The following SAXO1 variants were observed in gnomAD, a reference collection of about 807,000 sequenced individuals.
The protein encoded by SAXO1 is 4930500O09Rik.
Under a neutral mutation model 17.5 loss-of-function variants are expected in SAXO1, and 21 were observed. That is an observed-to-expected ratio of 1.20 (90% CI 0.85 to 1.72). The LOEUF (loss-of-function observed/expected upper bound fraction) is 1.72, where lower values mean the gene tolerates loss of function less well. SAXO1 is among the 40% of genes most tolerant of loss of function. SAXO1 has a pLI of 0.00. For synonymous variants in SAXO1, 274 were observed against 216.5 expected, an observed-to-expected ratio of 1.27 and a Z score of -2.33; for missense variants, 843 against 596.0, an observed-to-expected ratio of 1.41 and a Z score of -4.32.
chr9:18,947,721 A>G (rs372197267), intron 2 of SAXO1: 2 of 152,172 alleles, frequency 1.3e-5, no homozygotes, highest in Admixed American at 1.3e-4. Context: ...GTAAAGGCAG[A>G]TTCTACACCA....
chr9:18,980,286 C>A (rs1429300385), intron 1 of SAXO1, among the ~76,000 whole-genome samples: 3 of 152,018 alleles, frequency 2.0e-5, no homozygotes, highest in Non-Finnish European at 2.9e-5. Context: ...GGAGTTTAGG[C>A]ACTGCTTGGG....
At chr9:19,001,177 C>A (rs1166225929) in intron 1 of SAXO1, among the ~76,000 whole-genome samples, 2 of 152,120 alleles carry the variant, frequency 1.3e-5, no homozygotes, top group African/African-American at 2.4e-5. Context: ...TAAACTTGAC[C>A]ACATAGTTGG....
intron 1 of SAXO1, among the ~76,000 whole-genome samples, chr9:18,967,294 C>T (rs1417926295): frequency 6.6e-6 from 1 of 152,240 alleles, no homozygotes; most frequent in Non-Finnish European, 1.5e-5. Flanking sequence ...ATCTGCTGCT[C>T]TCTTCAGAGT....
At chr9:18,962,350 G>A (rs968035911) in intron 1 of SAXO1, among the ~76,000 whole-genome samples, 2 of 152,238 alleles carry the variant, frequency 1.3e-5, no homozygotes, top group Non-Finnish European at 2.9e-5. Context: ...TTACAGGCAT[G>A]AGCCACCGCA....
At chr9:18,948,441 A>G (rs1421510041) in intron 2 of SAXO1, among the ~76,000 whole-genome samples, 6 of 152,106 alleles carry the variant, frequency 3.9e-5, no homozygotes, top group African/African-American at 1.4e-4. Context: ...TTAACAGCTT[A>G]TTTTGGAAAT....
intron 3 of SAXO1, among the ~76,000 whole-genome samples, chr9:18,932,980 G>A (rs79428842): frequency 0.026 from 3,942 of 152,280 alleles, 90 homozygotes; most frequent in South Asian, 0.099. Context: ...AGACAGCTTC[G>A]CATTTTCCTT....
intron 1 of SAXO1, among the ~76,000 whole-genome samples, chr9:18,957,509 G>T (rs1321040780): frequency 1.3e-5 from 2 of 152,124 alleles, no homozygotes; most frequent in Non-Finnish European, 2.9e-5. Flanking sequence ...ACTCTTAAAG[G>T]ATTTGCAGCC....
rs869104089 is a variant in SAXO1, at chr9:18,927,888, C to G, written c.*164G>C. ...AGCCGGTGATTAAATGTCATTTTCC[C>G]TGAGTCAAGTGATTCTCATTTTATT... On this transcript the variant is annotated 3_prime_UTR_variant, in exon 4 of 4. Transcript: ENST00000380534. 4 of 591,062 alleles carry G rather than the reference C, an allele frequency of 6.8e-6. No individual in the cohort carries two copies. The highest frequency in any genetic ancestry group is 1.0e-5 in the Non-Finnish European group (4 of 385,840). 36.6% of individuals were successfully genotyped at this position (591,062 alleles called of 1,614,324 possible). A position where few individuals can be genotyped will look rare whatever the true frequency, so the allele number is the denominator to read the frequency against.
At position 19,033,055 on chromosome 9, in the gene SAXO1, T is replaced by G; in HGVS notation, c.-147A>C. The G allele has an allele frequency of 1.3e-6, 1 of 781,684 alleles. No homozygotes were observed. Among genetic ancestry groups the G allele is most frequent in the Admixed American group, 3.1e-5 (1 of 31,904 alleles). The allele number at this position is 781,684 out of a possible 1,614,324, so 48.4% of individuals were successfully genotyped here. ...ACTCGAAGGAAAATTTAAGTGGCCC[T>G]TTTGCAATGTCCTGTCGTCTGTTGC... On this transcript the variant is annotated 5_prime_UTR_variant, in exon 1 of 4. Transcript: ENST00000380534.
At chr9:19,046,574 T>A (rs779558225) in intron 1 of SAXO1, among the ~76,000 whole-genome samples, 1 of 151,984 alleles carries the variant, frequency 6.6e-6, no homozygotes, top group Non-Finnish European at 1.5e-5. Flanking sequence ...AGGTGGCACA[T>A]GCCTGCAATC....
intron 1 of SAXO1, among the ~76,000 whole-genome samples, chr9:18,963,274 T>C (rs1832566697): frequency 6.6e-6 from 1 of 152,126 alleles, no homozygotes; most frequent in Non-Finnish European, 1.5e-5. Context: ...TTTAGGATTG[T>C]CTTGGCTATA....
chr9:19,036,766 A>G (rs1479850977), upstream of SAXO1, among the ~76,000 whole-genome samples: 1 of 152,166 alleles, frequency 6.6e-6, no homozygotes, highest in Non-Finnish European at 1.5e-5. Context: ...TGCTAGGGCA[A>G]TGTGAAAGGG....
chr9:18,979,404 A>C (rs1833279392), intron 1 of SAXO1, among the ~76,000 whole-genome samples: 1 of 152,242 alleles, frequency 6.6e-6, no homozygotes. Flanking sequence ...ACCAGAGCTG[A>C]GAATGGGTCA....
chr9:18,937,907 A>G (rs930653681), intron 3 of SAXO1, among the ~76,000 whole-genome samples: 1 of 152,156 alleles, frequency 6.6e-6, no homozygotes, highest in Non-Finnish European at 1.5e-5. Flanking sequence ...GTAGTATTCA[A>G]AAAAAAACCT....
At chr9:18,958,910 G>C (rs571114092) in intron 1 of SAXO1, among the ~76,000 whole-genome samples, 1 of 152,180 alleles carries the variant, frequency 6.6e-6, no homozygotes, top group Non-Finnish European at 1.5e-5. Flanking sequence ...AACCGTATTT[G>C]CGAAGAAGGA....
At chr9:18,941,926 G>C (rs1831582133) in intron 2 of SAXO1, 87 bp from the exon 3 acceptor site, 1 of 1,286,802 alleles carries the variant, frequency 7.8e-7, no homozygotes, top group African/African-American at 1.5e-5. Flanking sequence ...ACAAACATTT[G>C]CTGAGAAGTC....
At chr9:18,933,828 C>T (rs1007842500) in intron 3 of SAXO1, among the ~76,000 whole-genome samples, 9 of 152,112 alleles carry the variant, frequency 5.9e-5, no homozygotes, top group Non-Finnish European at 1.0e-4. Context: ...GGGCTGATCA[C>T]GAGGTCAGGA....
At chr9:18,999,044 C>G (rs1202573893) in intron 1 of SAXO1, among the ~76,000 whole-genome samples, 1 of 152,222 alleles carries the variant, frequency 6.6e-6, no homozygotes, top group African/African-American at 2.4e-5. Context: ...GAAACTGCAT[C>G]AATTAATGTG....
intron 1 of SAXO1, among the ~76,000 whole-genome samples, chr9:18,972,547 C>T (rs1832979579): frequency 6.6e-6 from 1 of 152,242 alleles, no homozygotes; most frequent in South Asian, 2.1e-4. Context: ...CTTATTAGAA[C>T]AGAAGGTCTA....
Sources: gnomAD v4.1 joint callset for allele counts (sites outside exome capture counted in the v4.1 genomes callset) on GRCh38, gnomAD v4.1.1 for gene constraint, MANE v1.5 for transcripts, NCBI Gene and HGNC (gene_info 2026-07-23, HGNC 2026-07-21) for gene names.